ADARB2: variants seen among roughly 807,000 people sequenced by gnomAD.
ADARB2 encodes the protein inactive double-stranded RNA-specific editase B2.
In ADARB2, 25 loss-of-function variants were observed where a neutral mutation model predicts 62.2. That is an observed-to-expected ratio of 0.40 (90% confidence interval 0.29 to 0.56). The LOEUF is 0.56. Among genes scored for constraint, ADARB2 ranks in the 20% least tolerant of loss-of-function variants. The pLI is 0.43. For missense variants in ADARB2, 1,071 were observed against 1,077.4 expected, an observed-to-expected ratio of 0.99 and a Z score of 0.08; for synonymous variants, 572 against 500.8, an observed-to-expected ratio of 1.14 and a Z score of -1.90.
intron 1 of ADARB2, among the ~76,000 whole-genome samples, chr10:1,654,841 C>T (rs1327244539): frequency 6.6e-6 from 1 of 152,230 alleles, no homozygotes; most frequent in African/African-American, 2.4e-5. Flanking sequence ...CACTGCAGCC[C>T]CTTCCCAGCC....
At chr10:1,667,716 T>C (rs1466004059) in intron 1 of ADARB2, among the ~76,000 whole-genome samples, 1 of 152,228 alleles carries the variant, frequency 6.6e-6, no homozygotes, top group East Asian at 1.9e-4. Flanking sequence ...CAAGAAATGC[T>C]GCTCAATTGT....
chr10:1,655,636 A>G (rs1416622985), intron 1 of ADARB2, among the ~76,000 whole-genome samples: 7 of 152,168 alleles, frequency 4.6e-5, no homozygotes, highest in African/African-American at 1.7e-4. Flanking sequence ...TTGACTCTAA[A>G]CAGGAGATGG....
chr10:1,638,942 G>T (rs1383481000), intron 1 of ADARB2, among the ~76,000 whole-genome samples: 1 of 152,244 alleles, frequency 6.6e-6, no homozygotes, highest in South Asian at 2.1e-4. Context: ...AGGTGGAGAG[G>T]CTGCCTTGCC....
intron 1 of ADARB2, among the ~76,000 whole-genome samples, chr10:1,705,484 G>A (rs1218342309): frequency 6.6e-6 from 1 of 152,226 alleles, no homozygotes; most frequent in African/African-American, 2.4e-5. Flanking sequence ...GGTGAGAAGG[G>A]CTGCAAGGCC....
chr10:1,295,902 T>C (rs1831518504), intron 3 of ADARB2, among the ~76,000 whole-genome samples: 1 of 152,204 alleles, frequency 6.6e-6, no homozygotes, highest in African/African-American at 2.4e-5. Flanking sequence ...GCTCTTGCTG[T>C]GTAATGACCA....
chr10:1,429,556 C>T (rs1830758170), intron 1 of ADARB2, among the ~76,000 whole-genome samples: 1 of 152,198 alleles, frequency 6.6e-6, no homozygotes, highest in African/African-American at 2.4e-5. Flanking sequence ...AAGGTTATTG[C>T]TCTCTCTGGT....
At chr10:1,531,667 A>T (rs12220566) in intron 1 of ADARB2, among the ~76,000 whole-genome samples, 121,535 of 151,984 alleles carry the variant, frequency 0.8, 48,891 homozygotes, top group Middle Eastern at 0.84. Context: ...TGAAACCCTG[A>T]CTCTACTAAA....
intron 1 of ADARB2, among the ~76,000 whole-genome samples, chr10:1,589,022 C>T (rs917448490): frequency 2.0e-5 from 3 of 152,182 alleles, no homozygotes; most frequent in Non-Finnish European, 2.9e-5. Context: ...TAACCTGAAG[C>T]GACCTAAGGC....
At chr10:1,342,600 TG>T (rs1832040759) in intron 3 of ADARB2, among the ~76,000 whole-genome samples, 1 of 151,450 alleles carries the variant, frequency 6.6e-6, no homozygotes, top group Non-Finnish European at 1.5e-5. Flanking sequence ...GGGGTGGGGG[TG>T]GAAAGTCTCA....
At chr10:1,211,468 A>G (rs2131749594) in intron 7 of ADARB2, among the ~76,000 whole-genome samples, 1 of 152,268 alleles carries the variant, frequency 6.6e-6, no homozygotes, top group South Asian at 2.1e-4. Context: ...CATGACGTGG[A>G]ATGAGACAAG....
Position 1,227,493 on chromosome 10 carries a change from G to A in ADARB2, c.1513+6201C>T, listed in dbSNP as rs539944709. Among the ~76,000 whole-genome samples, 13 of 152,326 alleles carry A rather than the reference G, an allele frequency of 8.5e-5. No individual in the cohort carries two copies. The South Asian group carries it at 1.0e-3, about 12-fold the overall frequency. On this transcript the variant is annotated intron_variant, in intron 6 of 9. Transcript: ENST00000381312. ...AATGCAGAAATCACCTGTCTTCTGC[G>A]TCGCTCACGCTGGGAGCTGTAGACC...
At chr10:1,592,172 C>G (rs969432693) in intron 1 of ADARB2, among the ~76,000 whole-genome samples, 9 of 152,198 alleles carry the variant, frequency 5.9e-5, no homozygotes, top group African/African-American at 1.9e-4. Flanking sequence ...CTTTTGATGA[C>G]AATAATAAGC....
At chr10:1,618,552 A>AG (rs1833669734) in intron 1 of ADARB2, among the ~76,000 whole-genome samples, 1 of 73,234 alleles carries the variant, frequency 1.4e-5, no homozygotes, top group African/African-American at 7.0e-5. Context: ...TTTAAAAATC[A>AG]GATTTTTTTT....
intron 1 of ADARB2, among the ~76,000 whole-genome samples, chr10:1,388,817 C>T (rs767976885): frequency 1.9e-4 from 29 of 152,238 alleles, no homozygotes; most frequent in Non-Finnish European, 2.8e-4. Flanking sequence ...AGATATGATT[C>T]GATCTCAATC....
At chr10:1,188,836 C>A (rs1296755367) in intron 8 of ADARB2, among the ~76,000 whole-genome samples, 3 of 152,216 alleles carry the variant, frequency 2.0e-5, no homozygotes, top group Admixed American at 6.5e-5. Flanking sequence ...CCGTTAATGA[C>A]TCTTTCCATG....
chr10:1,471,253 C>G (rs947063061), intron 1 of ADARB2, among the ~76,000 whole-genome samples: 7 of 152,216 alleles, frequency 4.6e-5, no homozygotes, highest in African/African-American at 1.4e-4. Context: ...GTAAAACCTT[C>G]CCACCGTTCT....
chr10:1,272,516 G>A (rs920957800), intron 3 of ADARB2, among the ~76,000 whole-genome samples: 2 of 152,196 alleles, frequency 1.3e-5, no homozygotes, highest in South Asian at 2.1e-4. Flanking sequence ...AGAAGTGCAG[G>A]GCCCGGCGCA....
At chr10:1,360,240 G>A (rs1461768033) in intron 3 of ADARB2, among the ~76,000 whole-genome samples, 4 of 152,370 alleles carry the variant, frequency 2.6e-5, no homozygotes, top group South Asian at 2.1e-4. Flanking sequence ...CCGGGAGGGC[G>A]GCCTTTCCCC....
intron 1 of ADARB2, among the ~76,000 whole-genome samples, chr10:1,588,397 G>A (rs1282112640): frequency 6.6e-6 from 1 of 152,178 alleles, no homozygotes; most frequent in African/African-American, 2.4e-5. Context: ...TTTGGAGCAT[G>A]AGCAACCAAT....
Sources: allele counts gnomAD v4.1 joint callset (sites outside exome capture counted in the v4.1 genomes callset), GRCh38; gene constraint gnomAD v4.1.1; transcripts MANE v1.5; gene names NCBI Gene and HGNC (gene_info 2026-07-23, HGNC 2026-07-21).